Variants in RBFOX1 observed in about 807,000 individuals in gnomAD.
The protein encoded by RBFOX1 is RNA binding protein fox-1 homolog 1.
Under a neutral mutation model 57.7 loss-of-function variants are expected in RBFOX1, and 8 were observed. The observed-to-expected ratio is 0.14, with a 90% CI of 0.08 to 0.25. The LOEUF is 0.25. Among genes scored for constraint, RBFOX1 ranks in the 10% least tolerant of loss-of-function variants. RBFOX1 has a pLI of 1.00. For synonymous variants in RBFOX1, 326 were observed against 222.4 expected (o/e 1.47, Z -4.15); for missense variants, 611 against 548.5 (o/e 1.11, Z -1.14).
intron 4 of RBFOX1, among the ~76,000 whole-genome samples, chr16:7,134,926 C>CT (rs575938480): frequency 0.019 from 2,632 of 141,842 alleles, 34 homozygotes; most frequent in African/African-American, 0.031. Flanking sequence ...TTGAATTTAT[C>CT]TTTTTTTTTT....
rs117373303 is a variant in RBFOX1 at position 7,301,870 on chromosome 16, G to A, written c.28-216277G>A. 1.4e-4 allele frequency among the ~76,000 whole-genome samples: 21 copies of A among 152,252 alleles called. No individual in the cohort carries two copies. The East Asian group carries it at 1.9e-3, about 14-fold the overall frequency. ...GAATGGTTGGCCTTTTATTCCATTCGTGTTCTGTGGAGTGACTTTCTCTTT... is the reference window on the plus strand; with the variant it reads ...GAATGGTTGGCCTTTTATTCCATTCATGTTCTGTGGAGTGACTTTCTCTTT... On this transcript the variant is annotated intron_variant, in intron 4 of 15. Transcript: ENST00000550418.
chr16:7,136,080 ACTAAACAC>A (rs2071863861), intron 4 of RBFOX1, among the ~76,000 whole-genome samples: 2 of 152,216 alleles, frequency 1.3e-5, no homozygotes, highest in African/African-American at 4.8e-5. Context: ...AGAGTGAAAG[ACTAAACAC>A]CTTGCAGGCA....
At chr16:5,784,655 G>A (rs1045299847) in intron 3 of RBFOX1, among the ~76,000 whole-genome samples, 1 of 152,160 alleles carries the variant, frequency 6.6e-6, no homozygotes, top group African/African-American at 2.4e-5. Flanking sequence ...ATTTCAACAT[G>A]AGATTTGGGT....
chr16:6,920,469 G>C (rs893757874), intron 3 of RBFOX1, among the ~76,000 whole-genome samples: 2 of 152,176 alleles, frequency 1.3e-5, no homozygotes, highest in East Asian at 3.9e-4. Context: ...ATGTGTCCTA[G>C]ACATTAAGGG....
At chr16:7,190,533 G>T (rs1044667541) in intron 4 of RBFOX1, among the ~76,000 whole-genome samples, 1 of 151,186 alleles carries the variant, frequency 6.6e-6, no homozygotes, top group Non-Finnish European at 1.5e-5. Flanking sequence ...ATCTCTATCT[G>T]ATGAGCTGGA....
intron 3 of RBFOX1, among the ~76,000 whole-genome samples, chr16:6,875,487 C>A (rs927375628): frequency 6.6e-6 from 1 of 152,036 alleles, no homozygotes; most frequent in Non-Finnish European, 1.5e-5. Context: ...TTTGAATCAC[C>A]CTTAAGTGCA....
intron 3 of RBFOX1, among the ~76,000 whole-genome samples, chr16:6,660,898 G>A (rs572331503): frequency 6.6e-6 from 1 of 152,230 alleles, no homozygotes; most frequent in South Asian, 2.1e-4. Context: ...AGTAGGCCTT[G>A]GAAATATTTC....
chr16:6,720,589 A>C (rs1355490272), intron 3 of RBFOX1, among the ~76,000 whole-genome samples: 1 of 152,174 alleles, frequency 6.6e-6, no homozygotes, highest in Non-Finnish European at 1.5e-5. Context: ...ATGATGGAGA[A>C]ACAGAAGTGA....
At chr16:6,525,414 G>C (rs1298751428) in intron 2 of RBFOX1, among the ~76,000 whole-genome samples, 1 of 152,184 alleles carries the variant, frequency 6.6e-6, no homozygotes, top group African/African-American at 2.4e-5. Context: ...TAGGACCCTG[G>C]AGACATTGAG....
At chr16:6,087,627 C>G (rs957883964) in intron 1 of RBFOX1, among the ~76,000 whole-genome samples, 1 of 151,852 alleles carries the variant, frequency 6.6e-6, no homozygotes, top group Non-Finnish European at 1.5e-5. Flanking sequence ...GCATAGGAAA[C>G]TCATTCCCCT....
intron 4 of RBFOX1, among the ~76,000 whole-genome samples, chr16:5,907,619 CCT>C (rs1225942322): frequency 6.6e-6 from 1 of 152,034 alleles, no homozygotes; most frequent in Non-Finnish European, 1.5e-5. Flanking sequence ...CGTAACAACC[CCT>C]GAGTAGGACT....
At chr16:6,837,770 C>G (rs906851636) in intron 3 of RBFOX1, among the ~76,000 whole-genome samples, 1 of 152,148 alleles carries the variant, frequency 6.6e-6, no homozygotes, top group African/African-American at 2.4e-5. Context: ...AAATAATTGT[C>G]ATTATTACAA....
chr16:6,751,944 A>G (rs1366197374), intron 3 of RBFOX1, among the ~76,000 whole-genome samples: 1 of 152,170 alleles, frequency 6.6e-6, no homozygotes, highest in East Asian at 1.9e-4. Context: ...AACAAACAAT[A>G]TTTTTAATTG....
intron 1 of RBFOX1, among the ~76,000 whole-genome samples, chr16:6,029,110 A>T (rs1330211390): frequency 6.6e-6 from 1 of 152,184 alleles, no homozygotes; most frequent in East Asian, 1.9e-4. Context: ...ACCTTGTGGT[A>T]TTCAGACAAT....
chr16:5,632,867 C>G (rs8046997), intron 3 of RBFOX1, among the ~76,000 whole-genome samples: 130,097 of 151,608 alleles, frequency 0.86, 56,352 homozygotes, highest in Non-Finnish European at 0.9. Flanking sequence ...ACTTTCTCCA[C>G]TGTGGCTAAG....
At chr16:7,607,215 T>A in intron 9 of RBFOX1, 70 bp from the exon 10 acceptor site, 2 of 1,385,398 alleles carry the variant, frequency 1.4e-6, no homozygotes, top group Non-Finnish European at 2.0e-6. Context: ...ATTTGATTTG[T>A]GATTCATTTG....
intron 4 of RBFOX1, among the ~76,000 whole-genome samples, chr16:5,930,833 G>T (rs897775163): frequency 3.6e-4 from 53 of 146,530 alleles, no homozygotes; most frequent in African/African-American, 1.2e-3. Flanking sequence ...TGCATGGATG[G>T]ATGGATGGAT....
chr16:6,483,780 C>T, intron 2 of RBFOX1: 1 of 1,400,540 alleles, frequency 7.1e-7, no homozygotes, highest in East Asian at 2.6e-5. Context: ...CCAACGTTAG[C>T]GCAGACACGG....
intron 1 of RBFOX1, among the ~76,000 whole-genome samples, chr16:5,392,086 A>G (rs879692185): frequency 9.2e-5 from 14 of 152,224 alleles, no homozygotes; most frequent in South Asian, 2.1e-4. Flanking sequence ...AGCTATGAGG[A>G]CGCAAAGGCA....
Sources: gnomAD v4.1 joint callset for allele counts (sites outside exome capture counted in the v4.1 genomes callset) on GRCh38, gnomAD v4.1.1 for gene constraint, MANE v1.5 for transcripts, NCBI Gene and HGNC (gene_info 2026-07-23, HGNC 2026-07-21) for gene names.